The following ACADL variants were observed in gnomAD, a reference collection of about 807,000 sequenced individuals.
ACADL encodes acyl-CoA dehydrogenase long chain.
A neutral mutation model predicts 56.9 loss-of-function variants in ACADL; 60 were observed. That is an observed-to-expected ratio of 1.05 (90% confidence interval 0.86 to 1.31). ACADL has a LOEUF of 1.31. Ranked by LOEUF, ACADL falls within the 50% of genes most tolerant of loss-of-function variation. The pLI is 0.00. For missense variants in ACADL, 484 were observed against 525.5 expected (o/e 0.92, Z 0.77); for synonymous variants, 158 against 179.7 (o/e 0.88, Z 0.97).
At chr2:210,218,226 AG>A (rs1249566161) in intron 2 of ACADL, 124 bp from the exon 3 acceptor site, 1 of 903,818 alleles carries the variant, frequency 1.1e-6, no homozygotes, top group Non-Finnish European at 1.7e-6. Flanking sequence ...TATTTACATT[AG>A]CCATATGCTT....
chr2:210,222,562 A>C (rs927570833), intron 1 of ACADL, among the ~76,000 whole-genome samples: 2 of 152,136 alleles, frequency 1.3e-5, no homozygotes, highest in African/African-American at 4.8e-5. Context: ...GGGTAGGTTA[A>C]ACCAGAAAGG....
chr2:210,222,564 C>T (rs947663988), intron 1 of ACADL, among the ~76,000 whole-genome samples: 2 of 148,088 alleles, frequency 1.4e-5, no homozygotes, highest in Admixed American at 6.7e-5. Context: ...GTAGGTTAAA[C>T]CAGAAAGGTG....
intron 1 of ACADL, 120 bp downstream of exon 1, chr2:210,225,067 T>G (rs967059259): frequency 3.3e-6 from 5 of 1,503,518 alleles, no homozygotes; most frequent in Middle Eastern, 2.4e-4. Context: ...GGCGCCGGAG[T>G]TGGGGAGCAC....
intron 8 of ACADL, among the ~76,000 whole-genome samples, chr2:210,198,713 T>C (rs951884454): frequency 7.2e-5 from 11 of 152,206 alleles, no homozygotes; most frequent in African/African-American, 2.6e-4. Context: ...TTTCCTTAAC[T>C]GTAAAATAAA....
chr2:210,210,734 C>T (rs1397787310), intron 4 of ACADL, among the ~76,000 whole-genome samples: 1 of 152,084 alleles, frequency 6.6e-6, no homozygotes, highest in East Asian at 1.9e-4. Flanking sequence ...CTGCTTGAGC[C>T]CGGGAGTTTG....
chr2:210,210,619 C>G (rs1688963905), intron 4 of ACADL, among the ~76,000 whole-genome samples: 1 of 152,086 alleles, frequency 6.6e-6, no homozygotes, highest in South Asian at 2.1e-4. Flanking sequence ...CTTTAAACAC[C>G]TTGGTTCCTT....
At chr2:210,191,910 A>G (rs1387170342) in intron 10 of ACADL, among the ~76,000 whole-genome samples, 1 of 152,166 alleles carries the variant, frequency 6.6e-6, no homozygotes, top group African/African-American at 2.4e-5. Context: ...AAAGACTGTT[A>G]GGAGAAAAGG....
At position 210,218,093 on chromosome 2, in the gene ACADL, T is replaced by C; in HGVS notation, c.243A>G (p.Lys81=). Residue 81 remains lysine (K), a synonymous_variant, in exon 3 of 11, where the codon AAA becomes AAG. Transcript: ENST00000233710. The part of the protein sequence containing the change: ...EVIPHHSEWE[K]AGEVSREVWE... Reference sequence around the variant, plus strand: ...AAACCTCCCTACTTACTTCTCCAGCTTTCTCCCATCTGCAAATAACAAATA... The same window carrying C: ...AAACCTCCCTACTTACTTCTCCAGCCTTCTCCCATCTGCAAATAACAAATA... The C allele has an allele frequency of 6.2e-7, 1 of 1,613,788 alleles. No homozygotes were observed. The highest frequency in any genetic ancestry group is 8.5e-7 in the Non-Finnish European group (1 of 1,179,852).
Position 210,216,330 on chromosome 2 carries a change from A to G in ACADL, c.536+17T>C. On this transcript the variant is annotated intron_variant, in intron 4 of 10. Transcript: ENST00000233710. ...CACTGCTTCCAAGAATCCAAAGCCAACTAAATATTAACTTACCTTCCAGCT... is the reference window on the plus strand; with the variant it reads ...CACTGCTTCCAAGAATCCAAAGCCAGCTAAATATTAACTTACCTTCCAGCT... 1.2e-6 allele frequency: 2 copies of G among 1,613,082 alleles called. No homozygotes were observed. The highest frequency in any genetic ancestry group is 1.7e-6 in the Non-Finnish European group (2 of 1,179,578).
intron 1 of ACADL, among the ~76,000 whole-genome samples, chr2:210,222,508 CAAAAAAA>C (rs797000679): frequency 4.9e-5 from 4 of 81,374 alleles, no homozygotes; most frequent in South Asian, 4.3e-4. Flanking sequence ...AACAAACAAA[CAAAAAAA>C]AAAAAAAAAG....
intron 6 of ACADL, 119 bp downstream of exon 6, chr2:210,205,513 A>AG: frequency 1.0e-6 from 1 of 972,576 alleles, no homozygotes; most frequent in Non-Finnish European, 1.6e-6. Context: ...AGAAAAGCAT[A>AG]TTTTAGGAAT....
chr2:210,195,443 A>G, intron 8 of ACADL, 105 bp from the exon 9 acceptor site: 1 of 1,248,382 alleles, frequency 8.0e-7, no homozygotes, highest in East Asian at 2.4e-5. Flanking sequence ...TTTAGGGCAA[A>G]CAAAAGTGGA....
chr2:210,214,471 G>GAAAT (rs1190471063), intron 4 of ACADL, among the ~76,000 whole-genome samples: 1 of 141,502 alleles, frequency 7.1e-6, no homozygotes, highest in African/African-American at 2.8e-5. Context: ...TTCCAAAAAA[G>GAAAT]AAAGAAAGAA....
chr2:210,200,750 G>A (rs922824441), intron 8 of ACADL, among the ~76,000 whole-genome samples: 9 of 152,036 alleles, frequency 5.9e-5, no homozygotes, highest in Non-Finnish European at 2.9e-5. Context: ...AATACCGGTA[G>A]CAAACAGTTC....
intron 5 of ACADL, among the ~76,000 whole-genome samples, chr2:210,209,104 TAGG>T (rs1455597809): frequency 6.6e-6 from 1 of 152,230 alleles, no homozygotes; most frequent in Non-Finnish European, 1.5e-5. Flanking sequence ...TTATAATTCT[TAGG>T]AGAAATTATT....
intron 5 of ACADL, among the ~76,000 whole-genome samples, chr2:210,208,247 C>A (rs534366818): frequency 6.6e-6 from 1 of 152,294 alleles, no homozygotes; most frequent in African/African-American, 2.4e-5. Flanking sequence ...AGGAGAAATT[C>A]ATTGGGCAAA....
At position 210,216,374 on chromosome 2, in the gene ACADL, A is replaced by T. The variant is rs1390739992; in HGVS notation, c.509T>A (p.Ile170Lys). 1 of 1,613,808 alleles carries T rather than the reference A, an allele frequency of 6.2e-7. No individual in the cohort carries two copies. Among genetic ancestry groups the T allele is most frequent in the East Asian group, 2.2e-5 (1 of 44,848 alleles). Residue 170 changes from isoleucine to lysine, a missense_variant, in exon 4 of 11, where the codon ATA becomes AAA. Transcript: ENST00000233710. ...QMTAGKCIGA[I>K]AMTEPGAGSD... ...TCCAGCTCCAGGCTCTGTCATTGCT[A>T]TTGCACCAATACATTTGCCTGCAGT...
At chr2:210,189,770 T>C (rs1258580171) in intron 10 of ACADL, among the ~76,000 whole-genome samples, 1 of 152,266 alleles carries the variant, frequency 6.6e-6, no homozygotes, top group Non-Finnish European at 1.5e-5. Flanking sequence ...CTCTCAGCTC[T>C]GGGATTGGGG....
In ACADL at chr2:210,202,947, G is replaced by A. The variant is rs148630050; in HGVS notation, c.984+384C>T. On this transcript the variant is annotated intron_variant, in intron 8 of 10. Coordinates refer to ENST00000233710, the MANE Select transcript of ACADL (RefSeq NM_001608.4). ...ATTCAATGAACACTCTTTGCCCTTCGTCTTATTTTTCCCCTAAGCAGCAAT... is the reference window on the plus strand; with the variant it reads ...ATTCAATGAACACTCTTTGCCCTTCATCTTATTTTTCCCCTAAGCAGCAAT... 3.8e-4 allele frequency among the ~76,000 whole-genome samples: 58 copies of A among 152,074 alleles called. 1 individual carries two copies. In the East Asian group the frequency reaches 9.5e-3, roughly 25 times the overall value.
Sources: gnomAD v4.1 joint callset for allele counts (sites outside exome capture counted in the v4.1 genomes callset) on GRCh38, gnomAD v4.1.1 for gene constraint, MANE v1.5 for transcripts, NCBI Gene and HGNC (gene_info 2026-07-23, HGNC 2026-07-21) for gene names.